Variants in ERBB4 observed in about 807,000 individuals in gnomAD.
The protein encoded by ERBB4 is receptor tyrosine-protein kinase erbB-4.
In ERBB4, 42 loss-of-function variants were observed where a neutral mutation model predicts 158.0. The observed-to-expected ratio is 0.27, with a 90% confidence interval of 0.21 to 0.34. ERBB4 has a LOEUF of 0.34. ERBB4 is among the 10% of genes least tolerant of loss of function. ERBB4 has a pLI of 1.00. For synonymous variants in ERBB4, 583 were observed against 558.7 expected (o/e 1.04, Z -0.61); for missense variants, 1,333 against 1,624.1 (o/e 0.82, Z 3.08).
intron 2 of ERBB4, among the ~76,000 whole-genome samples, chr2:211,992,027 T>C (rs945869373): frequency 3.9e-5 from 6 of 152,150 alleles, no homozygotes; most frequent in Non-Finnish European, 8.8e-5. Context: ...TTCCCACATT[T>C]TCCTGTCGTC....
At chr2:212,449,543 T>C (rs1378670914) in intron 1 of ERBB4, among the ~76,000 whole-genome samples, 1 of 152,190 alleles carries the variant, frequency 6.6e-6, no homozygotes, top group Non-Finnish European at 1.5e-5. Flanking sequence ...AATATTACTC[T>C]AAATTACAAT....
chr2:211,449,592 G>C (rs1284985915), intron 20 of ERBB4, among the ~76,000 whole-genome samples: 1 of 152,256 alleles, frequency 6.6e-6, no homozygotes, highest in Non-Finnish European at 1.5e-5. Flanking sequence ...CATACCATCT[G>C]TGAAGAAATG....
At chr2:211,875,951 T>G (rs1450340444) in intron 3 of ERBB4, among the ~76,000 whole-genome samples, 1 of 152,134 alleles carries the variant, frequency 6.6e-6, no homozygotes, top group Admixed American at 6.6e-5. Flanking sequence ...CTATACCATT[T>G]AGATTTGTGT....
chr2:211,725,328 C>T (rs916376336), intron 5 of ERBB4, 134 bp from the exon 6 acceptor site: 4 of 706,526 alleles, frequency 5.7e-6, no homozygotes, highest in African/African-American at 5.4e-5. Context: ...AGGTTTACAA[C>T]TAGATCAAAA....
intron 20 of ERBB4, among the ~76,000 whole-genome samples, chr2:211,477,638 A>G (rs1427420581): frequency 6.6e-6 from 1 of 152,134 alleles, no homozygotes; most frequent in African/African-American, 2.4e-5. Flanking sequence ...ATATTTTTCT[A>G]GATCTGTGTT....
At chr2:212,188,636 G>A (rs187143604) in intron 1 of ERBB4, among the ~76,000 whole-genome samples, 5 of 151,556 alleles carry the variant, frequency 3.3e-5, no homozygotes, top group Admixed American at 3.3e-4. Context: ...CTTTTTCTTT[G>A]TTCAATAGAT....
chr2:212,451,324 C>T (rs1331817569), intron 1 of ERBB4, among the ~76,000 whole-genome samples: 1 of 152,160 alleles, frequency 6.6e-6, no homozygotes, highest in Non-Finnish European at 1.5e-5. Context: ...AGCCATGTAT[C>T]ATAATGTTGG....
At chr2:212,192,082 T>G (rs1302169620) in intron 1 of ERBB4, among the ~76,000 whole-genome samples, 1 of 104,796 alleles carries the variant, frequency 9.5e-6, no homozygotes, top group East Asian at 2.8e-4. Flanking sequence ...TTATATATAT[T>G]ATATATATTA....
intron 1 of ERBB4, chr2:212,426,452 G>T: frequency 2.5e-6 from 1 of 403,210 alleles, no homozygotes; most frequent in South Asian, 2.0e-5. Flanking sequence ...TCTTGCAGCT[G>T]AAATAGAGAA....
intron 9 of ERBB4, among the ~76,000 whole-genome samples, chr2:211,710,240 A>G (rs558211850): frequency 1.8e-4 from 28 of 152,292 alleles, no homozygotes; most frequent in Non-Finnish European, 3.5e-4. Flanking sequence ...ATCATTCCCC[A>G]CAGTGAAAGG....
At chr2:211,886,685 G>A (rs548332953) in intron 3 of ERBB4, among the ~76,000 whole-genome samples, 12 of 152,192 alleles carry the variant, frequency 7.9e-5, no homozygotes, top group African/African-American at 1.9e-4. Context: ...TTAGGGGCAT[G>A]TAAACAAATG....
At chr2:212,462,288 T>C (rs1414974785) in intron 1 of ERBB4, among the ~76,000 whole-genome samples, 1 of 152,110 alleles carries the variant, frequency 6.6e-6, no homozygotes, top group Non-Finnish European at 1.5e-5. Context: ...AGTTTCTGCA[T>C]AGTAAAAGAA....
At chr2:211,959,290 A>C (rs1447252328) in intron 2 of ERBB4, among the ~76,000 whole-genome samples, 1 of 152,088 alleles carries the variant, frequency 6.6e-6, no homozygotes, top group East Asian at 1.9e-4. Flanking sequence ...TATCATCTCC[A>C]ATCTTCGTCT....
At chr2:211,594,868 A>C (rs1023256460) in intron 19 of ERBB4, among the ~76,000 whole-genome samples, 5 of 152,034 alleles carry the variant, frequency 3.3e-5, no homozygotes. Context: ...TCATGAAGTG[A>C]CTGAAGGTAA....
In ERBB4 at chr2:212,494,420, T is replaced by C. The variant is rs144825849; in HGVS notation, c.82+44029A>G. Among the ~76,000 whole-genome samples, 1,251 of 152,132 alleles carry C rather than the reference T, an allele frequency of 8.2e-3. 8 individuals carry two copies. Among genetic ancestry groups the C allele is most frequent in the Non-Finnish European group, 0.012 (820 of 67,910 alleles). The stretch of plus-strand genomic sequence containing the variant: ...TAATAAAATTGACCTGGGATTAATA[T>C]TAAAATAGTTGAATACATTTTTTTT... On this transcript the variant is annotated intron_variant, in intron 1 of 27. Coordinates refer to ENST00000342788, the MANE Select transcript of ERBB4 (RefSeq NM_005235.3).
intron 1 of ERBB4, among the ~76,000 whole-genome samples, chr2:212,127,637 A>G (rs2079982622): frequency 6.6e-6 from 1 of 152,198 alleles, no homozygotes; most frequent in Non-Finnish European, 1.5e-5. Flanking sequence ...TTTTTGAATC[A>G]GCTATTGTTA....
intron 1 of ERBB4, among the ~76,000 whole-genome samples, chr2:212,178,267 T>C (rs967233488): frequency 2.6e-5 from 4 of 151,660 alleles, no homozygotes; most frequent in Admixed American, 2.0e-4. Flanking sequence ...AAGATTGCTG[T>C]AACCCATATT....
intron 1 of ERBB4, among the ~76,000 whole-genome samples, chr2:212,517,547 A>C (rs554755640): frequency 6.6e-6 from 1 of 152,212 alleles, no homozygotes; most frequent in Non-Finnish European, 1.5e-5. Context: ...CAATGTAGTA[A>C]AAATAGTCAG....
At position 212,139,294 on chromosome 2, in the gene ERBB4, C is replaced by T. The variant is rs181995636; in HGVS notation, c.83-14391G>A. 2.0e-5 allele frequency among the ~76,000 whole-genome samples: 3 copies of T among 152,148 alleles called. No individual in the cohort carries two copies. In the East Asian group the frequency reaches 5.8e-4, roughly 29 times the overall value. ...TAAGAGCAATATTTAAAACAACACA[C>T]ACACACACGCACATGTGCACATACA... On this transcript the variant is annotated intron_variant, in intron 1 of 27. Transcript: ENST00000342788.
Sources: allele counts gnomAD v4.1 joint callset (sites outside exome capture counted in the v4.1 genomes callset), GRCh38; gene constraint gnomAD v4.1.1; transcripts MANE v1.5; gene names NCBI Gene and HGNC (gene_info 2026-07-23, HGNC 2026-07-21).